Variants in PDE3B observed in about 807,000 individuals in gnomAD.
The protein encoded by PDE3B is phosphodiesterase 3B, also known as cGMP-inhibited 3',5'-cyclic phosphodiesterase 3B.
Under a neutral mutation model 116.8 loss-of-function variants are expected in PDE3B, and 66 were observed. That is an observed-to-expected ratio of 0.56 (90% CI 0.46 to 0.69). The LOEUF (loss-of-function observed/expected upper bound fraction) is 0.69. Among genes scored for constraint, PDE3B ranks in the 30% least tolerant of loss-of-function variants. The pLI, the probability that PDE3B is intolerant of heterozygous loss-of-function variation, is 0.00. For missense variants in PDE3B, 1,384 were observed against 1,368.1 expected (o/e 1.01, Z -0.18); for synonymous variants, 595 against 533.6 (o/e 1.12, Z -1.59).
At chr11:14,752,207 T>C (rs556306221) in intron 1 of PDE3B, among the ~76,000 whole-genome samples, 6 of 152,354 alleles carry the variant, frequency 3.9e-5, no homozygotes, top group Admixed American at 3.9e-4. Context: ...CCTGTGACTA[T>C]AATTCATTCT....
chr11:14,723,319 T>C (rs539545045), intron 1 of PDE3B, among the ~76,000 whole-genome samples: 8 of 152,316 alleles, frequency 5.3e-5, no homozygotes, highest in South Asian at 2.1e-4. Flanking sequence ...GCTGGAGATA[T>C]AGTGGTGAGC....
chr11:14,725,751 T>C (rs73412653), intron 1 of PDE3B, among the ~76,000 whole-genome samples: 17,863 of 150,802 alleles, frequency 0.12, 1,344 homozygotes, highest in African/African-American at 0.22. Context: ...ATTTCTTTAC[T>C]CTAAGCCACC....
At chr11:14,686,972 C>T (rs1854897147) in intron 1 of PDE3B, among the ~76,000 whole-genome samples, 1 of 152,176 alleles carries the variant, frequency 6.6e-6, no homozygotes, top group Non-Finnish European at 1.5e-5. Context: ...CTCGGCCTTC[C>T]AAAGTGCTGG....
chr11:14,681,786 T>C (rs1854717989), intron 1 of PDE3B, among the ~76,000 whole-genome samples: 2 of 152,184 alleles, frequency 1.3e-5, no homozygotes, highest in South Asian at 4.1e-4. Context: ...TTATTAGTTC[T>C]AGAAGCATTT....
At chr11:14,732,807 G>GT (rs945470178) in intron 1 of PDE3B, among the ~76,000 whole-genome samples, 1 of 152,180 alleles carries the variant, frequency 6.6e-6, no homozygotes, top group Non-Finnish European at 1.5e-5. Context: ...GAAAAGCCAT[G>GT]TATATAAGTG....
intron 1 of PDE3B, among the ~76,000 whole-genome samples, chr11:14,737,866 G>T (rs2133861549): frequency 6.8e-6 from 1 of 146,670 alleles, no homozygotes; most frequent in Non-Finnish European, 1.5e-5. Context: ...AGAACATGCG[G>T]TGTTTGGTTT....
intron 1 of PDE3B, among the ~76,000 whole-genome samples, chr11:14,661,446 A>C (rs981401603): frequency 2.6e-5 from 4 of 152,320 alleles, no homozygotes; most frequent in Non-Finnish European, 5.9e-5. Flanking sequence ...GGAGTGCCAG[A>C]CAGTGGGCGT....
the PDE3B span, among the ~76,000 whole-genome samples, chr11:14,898,018 A>G: frequency 1.3e-5 from 2 of 152,118 alleles, no homozygotes; most frequent in African/African-American, 4.8e-5. Context: ...TAATACCCTC[A>G]TATGTGGTTA....
intron 1 of PDE3B, among the ~76,000 whole-genome samples, chr11:14,703,262 T>C (rs949731379): frequency 1.3e-4 from 19 of 151,850 alleles, no homozygotes; most frequent in African/African-American, 4.3e-4. Flanking sequence ...GGCATTCTGA[T>C]TGCAGTTTTC....
chr11:14,761,693 A>AT (rs1333117043), intron 1 of PDE3B, among the ~76,000 whole-genome samples: 2 of 152,064 alleles, frequency 1.3e-5, no homozygotes, highest in African/African-American at 4.8e-5. Flanking sequence ...CCCAGTTTTC[A>AT]TTTTTAAATC....
Position 14,723,662 on chromosome 11 carries a change from G to A in PDE3B, c.979-48275G>A, listed in dbSNP as rs183948409. 1.9e-3 allele frequency among the ~76,000 whole-genome samples: 291 copies of A among 152,138 alleles called. 3 individuals are homozygous for A. Among genetic ancestry groups the A allele is most frequent in the Non-Finnish European group, 1.6e-4 (11 of 67,996 alleles). Reference sequence around the variant, plus strand: ...TCTAGTCCTAGCTACTCAGGAGGCTGAGGCAGGAGGATCGTTTGGGCCCAG... The same window carrying A: ...TCTAGTCCTAGCTACTCAGGAGGCTAAGGCAGGAGGATCGTTTGGGCCCAG... On this transcript the variant is annotated intron_variant, in intron 1 of 15. Coordinates refer to ENST00000282096, the MANE Select transcript of PDE3B (RefSeq NM_000922.4).
At chr11:14,863,372 T>C (rs1847985003) in intron 14 of PDE3B, among the ~76,000 whole-genome samples, 1 of 152,252 alleles carries the variant, frequency 6.6e-6, no homozygotes, top group African/African-American at 2.4e-5. Context: ...GACGTTCTAA[T>C]GATCGCCATT....
intron 12 of PDE3B, among the ~76,000 whole-genome samples, chr11:14,847,794 G>GT: frequency 6.6e-6 from 1 of 152,280 alleles, no homozygotes; most frequent in South Asian, 2.1e-4. Context: ...CCAGGAAGAA[G>GT]TTGACTCTCT....
rs998303580 is a variant in PDE3B, at chr11:14,643,997, G to A, written c.-79G>A. The A allele has an allele frequency of 2.9e-6, 4 of 1,380,398 alleles. No homozygotes were observed. Among genetic ancestry groups the A allele is most frequent in the South Asian group, 1.6e-5 (1 of 60,736 alleles). The allele number at this position is 1,380,398 out of a possible 1,614,324, so 85.5% of individuals were successfully genotyped here. ...ACCAGGGGGCGCCCCGAACGCGGGG[G>A]TTGGGGTCTGGGAGCGCGAGCGGCC... On this transcript the variant is annotated 5_prime_UTR_variant, in exon 1 of 16. Coordinates refer to ENST00000282096, the MANE Select transcript of PDE3B (RefSeq NM_000922.4).
intron 1 of PDE3B, among the ~76,000 whole-genome samples, chr11:14,665,639 G>A (rs1055801031): frequency 6.6e-6 from 1 of 152,124 alleles, no homozygotes; most frequent in Non-Finnish European, 1.5e-5. Flanking sequence ...CAAACAGAGA[G>A]CCAAATCATG....
At chr11:14,675,201 C>T (rs1854494939) in intron 1 of PDE3B, among the ~76,000 whole-genome samples, 2 of 152,094 alleles carry the variant, frequency 1.3e-5, no homozygotes, top group South Asian at 4.1e-4. Flanking sequence ...GTCAGTGTTT[C>T]TGTTTTCAGG....
chr11:14,802,772 A>G (rs1456509276), intron 4 of PDE3B, among the ~76,000 whole-genome samples: 1 of 152,236 alleles, frequency 6.6e-6, no homozygotes, highest in East Asian at 1.9e-4. Context: ...GTGGATGCCC[A>G]TCCAGGAAAC....
intron 1 of PDE3B, among the ~76,000 whole-genome samples, chr11:14,762,862 A>T (rs1483412188): frequency 6.6e-6 from 1 of 152,234 alleles, no homozygotes; most frequent in Non-Finnish European, 1.5e-5. Flanking sequence ...CAAGGTAATG[A>T]TGGGATTCCC....
chr11:14,868,736 C>G (rs1848091737), intron 15 of PDE3B, among the ~76,000 whole-genome samples: 1 of 152,044 alleles, frequency 6.6e-6, no homozygotes, highest in Non-Finnish European at 1.5e-5. Flanking sequence ...ACACACATGC[C>G]TTGTATTTAG....
Sources: gnomAD v4.1 joint callset for allele counts (sites outside exome capture counted in the v4.1 genomes callset) on GRCh38, gnomAD v4.1.1 for gene constraint, MANE v1.5 for transcripts, NCBI Gene and HGNC (gene_info 2026-07-23, HGNC 2026-07-21) for gene names.